ATF2: variants seen among roughly 807,000 people sequenced by gnomAD.
The protein encoded by ATF2 is cyclic AMP-dependent transcription factor ATF-2.
A neutral mutation model predicts 60.6 loss-of-function variants in ATF2; 24 were observed. That is an observed-to-expected ratio of 0.40 (90% CI 0.29 to 0.56). The LOEUF (loss-of-function observed/expected upper bound fraction) is 0.56. Among genes scored for constraint, ATF2 ranks in the 20% least tolerant of loss-of-function variants. ATF2 has a pLI of 0.54. For synonymous variants in ATF2, 206 were observed against 215.4 expected (o/e 0.96, Z 0.38); for missense variants, 433 against 607.7 (o/e 0.71, Z 3.02).
At chr2:175,088,438 A>G (rs370602247) in intron 12 of ATF2, among the ~76,000 whole-genome samples, 4 of 152,296 alleles carry the variant, frequency 2.6e-5, no homozygotes, top group East Asian at 1.9e-4. Context: ...CAACGGACCA[A>G]TAAAACCTTT....
intron 13 of ATF2, among the ~76,000 whole-genome samples, chr2:175,075,461 A>G (rs1305593808): frequency 6.6e-6 from 1 of 151,796 alleles, no homozygotes; most frequent in African/African-American, 2.4e-5. Flanking sequence ...GTAAAAATCC[A>G]TATAAAACTC....
intron 10 of ATF2, among the ~76,000 whole-genome samples, chr2:175,102,852 CTTTG>C (rs1374265058): frequency 2.0e-5 from 3 of 152,014 alleles, no homozygotes; most frequent in Admixed American, 1.3e-4. Context: ...TAAAGGTAGA[CTTTG>C]TTTGATAAAC....
chr2:175,091,376 A>G (rs1158747272), intron 12 of ATF2, among the ~76,000 whole-genome samples: 1 of 152,236 alleles, frequency 6.6e-6, no homozygotes, highest in African/African-American at 2.4e-5. Flanking sequence ...AAGAACAGAA[A>G]AAAAATACAC....
intron 2 of ATF2, among the ~76,000 whole-genome samples, chr2:175,144,169 T>C (rs1479118419): frequency 1.3e-5 from 2 of 152,218 alleles, no homozygotes; most frequent in Non-Finnish European, 2.9e-5. Flanking sequence ...CTTTTTCTTA[T>C]GACATGGATT....
chr2:175,157,083 T>C (rs1015629315), intron 1 of ATF2, among the ~76,000 whole-genome samples: 1 of 152,218 alleles, frequency 6.6e-6, no homozygotes, highest in African/African-American at 2.4e-5. Context: ...AGCAATGTCC[T>C]GGGTTTTCGT....
rs370264948 is a variant in ATF2 at position 175,136,457 on chromosome 2, T to C, written c.-14A>G. 1.9e-6 allele frequency: 3 copies of C among 1,608,042 alleles called. No individual in the cohort carries two copies. In the African/African-American group the frequency reaches 4.0e-5, roughly 22 times the overall value. On this transcript the variant is annotated 5_prime_UTR_variant, in exon 3 of 14. In the 5' UTR this introduces an upstream ATG that the reference lacks. Coordinates refer to ENST00000264110, the MANE Select transcript of ATF2 (RefSeq NM_001880.4). Reference sequence around the variant, plus strand: ...CTTGAATTTCATAAGTTGAATAACTTATCACATTCTTTTTCTCATGGCAAG... The same window carrying C: ...CTTGAATTTCATAAGTTGAATAACTCATCACATTCTTTTTCTCATGGCAAG...
chr2:175,158,669 A>T (rs1396261057), intron 1 of ATF2, among the ~76,000 whole-genome samples: 1 of 152,082 alleles, frequency 6.6e-6, no homozygotes, highest in African/African-American at 2.4e-5. Flanking sequence ...AGTGACTTAA[A>T]GCCTCCATTA....
intron 12 of ATF2, 23 bp from the exon 13 acceptor site, chr2:175,080,788 A>C: frequency 6.4e-7 from 1 of 1,562,610 alleles, no homozygotes; most frequent in Non-Finnish European, 8.8e-7. Context: ...CAACTTATGT[A>C]CCTTACCACA....
chr2:175,155,719 A>G (rs1386809767), intron 1 of ATF2, among the ~76,000 whole-genome samples: 1 of 152,368 alleles, frequency 6.6e-6, no homozygotes, highest in Non-Finnish European at 1.5e-5. Context: ...GTCGAAAGAA[A>G]ATAAAGTTTA....
chr2:175,093,088 G>A lies in ATF2; in HGVS notation c.1158C>T (p.Asp386=), dbSNP rs1694671529. Residue 386 remains aspartate, a synonymous_variant, in exon 12 of 14, where the codon GAC becomes GAT. Coordinates refer to ENST00000264110, the MANE Select transcript of ATF2 (RefSeq NM_001880.4). ...GCAGCTGACCATTTAATGAACTCAAGTCTTCAGCTTTCTTCTCTAAAGACT... is the reference window on the plus strand; with the variant it reads ...GCAGCTGACCATTTAATGAACTCAAATCTTCAGCTTTCTTCTCTAAAGACT... ...WVQSLEKKAE[D]LSSLNGQLQS... 6.2e-7 allele frequency: 1 copy of A among 1,614,102 alleles called. No homozygotes were observed. The highest frequency in any genetic ancestry group is 1.3e-5 in the African/African-American group (1 of 75,030).
chr2:175,105,004 A>T (rs1214935837), intron 10 of ATF2, among the ~76,000 whole-genome samples: 1 of 152,192 alleles, frequency 6.6e-6, no homozygotes, highest in Non-Finnish European at 1.5e-5. Flanking sequence ...TAATTAATGA[A>T]TATTTAAGAA....
chr2:175,101,749 G>A (rs981214695), intron 10 of ATF2, among the ~76,000 whole-genome samples: 3 of 152,102 alleles, frequency 2.0e-5, no homozygotes, highest in Non-Finnish European at 2.9e-5. Flanking sequence ...GACTGCCCTA[G>A]GGTATACAGT....
At chr2:175,125,085 TTTGAAACC>T (rs1397915709) in intron 4 of ATF2, among the ~76,000 whole-genome samples, 2 of 152,078 alleles carry the variant, frequency 1.3e-5, no homozygotes, top group African/African-American at 4.8e-5. Flanking sequence ...TAAAAATCTA[TTTGAAACC>T]TTAAATTTAA....
intron 7 of ATF2, among the ~76,000 whole-genome samples, chr2:175,115,352 T>C (rs1281694370): frequency 1.3e-5 from 2 of 152,148 alleles, no homozygotes; most frequent in Non-Finnish European, 2.9e-5. Flanking sequence ...TAATTGTTAA[T>C]TCCAGTTAGC....
intron 3 of ATF2, among the ~76,000 whole-genome samples, chr2:175,130,559 T>C (rs1697658918): frequency 6.6e-6 from 1 of 152,160 alleles, no homozygotes; most frequent in Non-Finnish European, 1.5e-5. Flanking sequence ...TGTACTGTTA[T>C]GAAAATAATG....
chr2:175,141,740 G>C (rs1282808701), intron 2 of ATF2, among the ~76,000 whole-genome samples: 1 of 152,002 alleles, frequency 6.6e-6, no homozygotes. Flanking sequence ...TGATCCGCCC[G>C]CCTTGGCCTC....
intron 13 of ATF2, chr2:175,075,073 C>G: frequency 7.4e-7 from 1 of 1,354,020 alleles, no homozygotes; most frequent in South Asian, 1.5e-5. Flanking sequence ...TGGAATAGAG[C>G]TGAAGAAATA....
intron 4 of ATF2, among the ~76,000 whole-genome samples, chr2:175,124,248 TTGAG>T (rs1559089962): frequency 6.6e-6 from 1 of 150,894 alleles, no homozygotes; most frequent in African/African-American, 2.4e-5. Flanking sequence ...GACTAAGACC[TTGAG>T]TATATAGCTC....
chr2:175,100,502 T>A (rs1695241103), intron 10 of ATF2, among the ~76,000 whole-genome samples: 1 of 152,178 alleles, frequency 6.6e-6, no homozygotes, highest in Non-Finnish European at 1.5e-5. Flanking sequence ...CTCCTCCCCA[T>A]CTAATTAGGA....
Sources: allele counts gnomAD v4.1 joint callset (sites outside exome capture counted in the v4.1 genomes callset), GRCh38; gene constraint gnomAD v4.1.1; transcripts MANE v1.5; gene names NCBI Gene and HGNC (gene_info 2026-07-23, HGNC 2026-07-21).